The following MYCBP2 variants were observed in gnomAD, a reference collection of about 807,000 sequenced individuals.
The protein encoded by MYCBP2 is MYC binding protein 2, also known as E3 ubiquitin-protein ligase MYCBP2.
MYCBP2 carries 120 observed loss-of-function variants against 525.3 expected under a neutral mutation model. That is an observed-to-expected ratio of 0.23 (90% confidence interval 0.20 to 0.27). MYCBP2 has a LOEUF of 0.27. Ranked by LOEUF, MYCBP2 falls within the 10% of genes least tolerant of loss-of-function variation. MYCBP2 has a pLI of 1.00. For synonymous variants in MYCBP2, 1,894 were observed against 1,955.8 expected (o/e 0.97, Z 0.83); for missense variants, 4,149 against 5,657.1 (o/e 0.73, Z 8.55).
At chr13:77,268,711 G>A (rs775866281) in intron 7 of MYCBP2, among the ~76,000 whole-genome samples, 6 of 151,906 alleles carry the variant, frequency 3.9e-5, no homozygotes, top group Admixed American at 6.6e-5. Context: ...CCTGGGAGGC[G>A]GAGGTTGCAG....
At chr13:77,061,602 C>T in intron 75 of MYCBP2, 60 bp downstream of exon 75, 1 of 1,570,384 alleles carries the variant, frequency 6.4e-7, no homozygotes, top group Non-Finnish European at 8.6e-7. Context: ...AAGCCTCTTT[C>T]ACACATTTAT....
intron 55 of MYCBP2, among the ~76,000 whole-genome samples, chr13:77,107,111 G>C (rs899652772): frequency 6.6e-6 from 1 of 152,064 alleles, no homozygotes; most frequent in Admixed American, 6.6e-5. Context: ...AGAATGATGG[G>C]AACAGTGTTG....
intron 7 of MYCBP2, among the ~76,000 whole-genome samples, chr13:77,269,708 G>A (rs184915079): frequency 2.0e-5 from 3 of 152,162 alleles, no homozygotes; most frequent in African/African-American, 7.2e-5. Flanking sequence ...CTCTAAAGAA[G>A]GTATGTTTAA....
intron 2 of MYCBP2, among the ~76,000 whole-genome samples, chr13:77,293,035 A>G (rs1257992250): frequency 6.6e-6 from 1 of 152,052 alleles, no homozygotes; most frequent in Non-Finnish European, 1.5e-5. Flanking sequence ...CTTTGACTGC[A>G]GTAGTGCTTC....
intron 1 of MYCBP2, among the ~76,000 whole-genome samples, chr13:77,315,238 C>T (rs944038388): frequency 5.3e-5 from 8 of 152,140 alleles, no homozygotes; most frequent in Non-Finnish European, 7.3e-5. Context: ...AACAATCTTA[C>T]GCAAACATTT....
rs140078246 is a variant in MYCBP2, at chr13:77,058,314, G to A, written c.13233C>T (p.His4411=). The part of the protein sequence containing the change: ...KNEEHCLPCL[H]GCDKSATSLK... ...GGCTTGTGGCACTTTTGTCACAGCCGTGTAGACAGGGCAGACAGTGCTCTT... is the reference window on the plus strand; with the variant it reads ...GGCTTGTGGCACTTTTGTCACAGCCATGTAGACAGGGCAGACAGTGCTCTT... The change falls in exon 78 of 83, where the codon CAC becomes CAT. Residue 4411 remains histidine (H), a synonymous_variant. Coordinates refer to ENST00000544440, the MANE Select transcript of MYCBP2 (RefSeq NM_015057.5). This position sits in a 1 kb window ranked among gnomAD's most constrained non-coding sequence, Gnocchi z 4.1. 17 of 1,614,034 alleles carry A rather than the reference G, an allele frequency of 1.1e-5. No individual in the cohort carries two copies. Among genetic ancestry groups the A allele is most frequent in the South Asian group, 2.2e-5 (2 of 91,088 alleles).
At chr13:77,109,739 A>T (rs557224014) in intron 55 of MYCBP2, 3 of 152,316 alleles carry the variant, frequency 2.0e-5, no homozygotes, top group African/African-American at 7.2e-5. Flanking sequence ...GAATGGAGGG[A>T]CTGGCTGGAA....
Position 77,288,205 on chromosome 13 carries a change from C to T in MYCBP2, c.550G>A (p.Asp184Asn), listed in dbSNP as rs2077091005. Residue 184 changes from aspartate (D) to asparagine (N), a missense_variant, in exon 3 of 83, where the codon GAT (aspartate) becomes AAT (asparagine). Physicochemically the swap from Asp to Asn is conservative, Grantham distance 23 (BLOSUM62 1). Around this residue, in one of 21 missense-constraint regions of MYCBP2, gnomAD observed 413 missense variants for 451.2 expected, o/e 0.92. Transcript: ENST00000544440. ...NSVQSGESDS[D>N]EEEESKEPPI... ...GGCTCTTTGGATTCCTCTTCTTCATCACTATCTGATTCTCCACTCTGCACA... is the reference window on the plus strand; with the variant it reads ...GGCTCTTTGGATTCCTCTTCTTCATTACTATCTGATTCTCCACTCTGCACA... The T allele has an allele frequency of 6.2e-7, 1 of 1,614,192 alleles. No homozygotes were observed. The highest frequency in any genetic ancestry group is 1.1e-5 in the South Asian group (1 of 91,090).
intron 23 of MYCBP2, among the ~76,000 whole-genome samples, chr13:77,207,043 A>T (rs1452139521): frequency 6.6e-6 from 1 of 152,218 alleles, no homozygotes; most frequent in Non-Finnish European, 1.5e-5. Flanking sequence ...TATAATACTT[A>T]ATACAGAAAA....
chr13:77,314,745 T>A (rs56398190), intron 1 of MYCBP2, among the ~76,000 whole-genome samples: 4,483 of 152,168 alleles, frequency 0.029, 96 homozygotes, highest in East Asian at 0.053. Context: ...TGAACCCTAA[T>A]GTAAACTCTG....
chr13:77,133,364 A>G (rs924231958), intron 52 of MYCBP2, among the ~76,000 whole-genome samples: 1 of 152,200 alleles, frequency 6.6e-6, no homozygotes, highest in South Asian at 2.1e-4. Context: ...TGATCATATC[A>G]AATGCAAAGA....
intron 1 of MYCBP2, among the ~76,000 whole-genome samples, chr13:77,303,194 G>A (rs992560504): frequency 2.6e-5 from 4 of 152,154 alleles, no homozygotes; most frequent in Non-Finnish European, 5.9e-5. Context: ...TTAGCCGGGC[G>A]TGGTGGCACG....
intron 43 of MYCBP2, among the ~76,000 whole-genome samples, chr13:77,162,813 T>A (rs1415940459): frequency 6.6e-6 from 1 of 152,126 alleles, no homozygotes; most frequent in Non-Finnish European, 1.5e-5. Flanking sequence ...TGTGCCACCA[T>A]GCCCGGCTAA....
intron 76 of MYCBP2, among the ~76,000 whole-genome samples, chr13:77,060,084 A>G (rs1279828016): frequency 6.6e-6 from 1 of 152,186 alleles, no homozygotes; most frequent in African/African-American, 2.4e-5. Flanking sequence ...CAGAATTCCT[A>G]CCTCAGGAAC....
chr13:77,091,153 A>C (rs1446593886), intron 59 of MYCBP2, among the ~76,000 whole-genome samples: 3 of 152,104 alleles, frequency 2.0e-5, no homozygotes, highest in African/African-American at 4.8e-5. Flanking sequence ...TAGACGGCTA[A>C]CTGCCTAGGT....
chr13:77,194,371 T>C (rs888515417), intron 26 of MYCBP2, 127 bp from the exon 27 acceptor site: 1 of 641,568 alleles, frequency 1.6e-6, no homozygotes, highest in African/African-American at 1.8e-5. Flanking sequence ...TCAGAGTACC[T>C]GCTTTTTTAA....
chr13:77,182,026 A>T, intron 32 of MYCBP2, 104 bp from the exon 33 acceptor site: 1 of 797,422 alleles, frequency 1.3e-6, no homozygotes, highest in Non-Finnish European at 2.0e-6. Context: ...ATTATACCAA[A>T]ATTTTCTGTC....
intron 8 of MYCBP2, 77 bp downstream of exon 8, chr13:77,267,764 C>T: frequency 8.8e-7 from 1 of 1,133,638 alleles, no homozygotes; most frequent in East Asian, 2.3e-5. Context: ...GCTAATCATT[C>T]TTTATGTGTC....
rs369943113 is a variant in MYCBP2, at chr13:77,206,757, G to T, written c.3485C>A (p.Ala1162Glu). Residue 1162 changes from alanine (A) to glutamate (E), a missense_variant, in exon 24 of 83, where the codon GCA becomes GAA. This residue lies in a region of MYCBP2 where 620 missense variants were observed against 795.5 expected (regional missense o/e 0.78). Transcript: ENST00000544440. Reference sequence around the variant, plus strand: ...ACTACATCTGGACTGCATGTCTGCTGCAGAGGGAAGCCTGGCATCAGCAAC... The same window carrying T: ...ACTACATCTGGACTGCATGTCTGCTTCAGAGGGAAGCCTGGCATCAGCAAC... Reference protein sequence around the residue: ...AVVADARLPSAADMQSRCSIL... With the variant: ...AVVADARLPSEADMQSRCSIL... The T allele has an allele frequency of 1.2e-6, 2 of 1,611,984 alleles. No individual in the cohort carries two copies. Among genetic ancestry groups the T allele is most frequent in the Non-Finnish European group, 1.7e-6 (2 of 1,178,704 alleles).
Sources: allele counts gnomAD v4.1 joint callset (sites outside exome capture counted in the v4.1 genomes callset), GRCh38; gene constraint gnomAD v4.1.1; regional missense constraint gnomAD v4.1.1; non-coding constraint Gnocchi (gnomAD v3.1); transcripts MANE v1.5; gene names NCBI Gene and HGNC (gene_info 2026-07-23, HGNC 2026-07-21).